Variants in LAMA2 observed in about 807,000 individuals in gnomAD.
LAMA2 encodes the protein laminin subunit alpha 2, also known as laminin subunit alpha-2.
Under a neutral mutation model 364.8 loss-of-function variants are expected in LAMA2, and 269 were observed. The observed-to-expected ratio is 0.74, with a 90% CI of 0.67 to 0.82. LAMA2 has a LOEUF of 0.82. LAMA2 is among the 40% of genes least tolerant of loss of function. The probability of loss-of-function intolerance (pLI) is 0.00; values close to 1 mark genes in which losing one functional copy is unlikely to be tolerated. For synonymous variants in LAMA2, 1,379 were observed against 1,370.6 expected (o/e 1.01, Z -0.14); for missense variants, 3,807 against 3,873.2 (o/e 0.98, Z 0.45).
At position 128,991,755 on chromosome 6, in the gene LAMA2, C is replaced by T. The variant is rs1045788884; in HGVS notation, c.113-58163C>T. On this transcript the variant is annotated intron_variant, in intron 1 of 64. Coordinates refer to ENST00000421865, the MANE Select transcript of LAMA2 (RefSeq NM_000426.4). ...TAATTAAATGATATATCTAGGCAAA[C>T]TAACCATTCAAGTTTTAATTTTTAT... Among the ~76,000 whole-genome samples, 6 of 152,138 alleles carry T rather than the reference C, an allele frequency of 3.9e-5. No homozygotes were observed. The South Asian group carries it at 1.0e-3, about 26-fold the overall frequency.
intron 1 of LAMA2, among the ~76,000 whole-genome samples, chr6:128,889,046 C>G (rs1776301595): frequency 6.6e-6 from 1 of 152,204 alleles, no homozygotes; most frequent in Admixed American, 6.5e-5. Context: ...CCTTTGGCAA[C>G]TCAGTGCTAT....
At chr6:129,209,799 C>G (rs1373530412) in intron 12 of LAMA2, among the ~76,000 whole-genome samples, 1 of 151,750 alleles carries the variant, frequency 6.6e-6, no homozygotes, top group East Asian at 1.9e-4. Flanking sequence ...GTCAGGAGAT[C>G]GAGACCATCC....
Position 129,453,079 on chromosome 6 carries a change from T to G in LAMA2, c.6521T>G (p.Val2174Gly), listed in dbSNP as rs1782768188. The G allele has an allele frequency of 1.2e-6, 2 of 1,613,036 alleles. No homozygotes were observed. The highest frequency in any genetic ancestry group is 1.3e-5 in the African/African-American group (1 of 74,898). The change falls in exon 46 of 65, where the codon GTA becomes GGA. Residue 2174 changes from valine (V) to glycine (G), a missense_variant. Val to Gly is a moderately radical substitution (Grantham distance 109). Transcript: ENST00000421865. Reference sequence around the variant, plus strand: ...AGTTACAATAATATTGTTGTCAACGTAAAGACAGCTGTTGCTGATAACCTC... The same window carrying G: ...AGTTACAATAATATTGTTGTCAACGGAAAGACAGCTGTTGCTGATAACCTC... The part of the protein sequence containing the change: ...KGSYNNIVVN[V>G]KTAVADNLLF...
chr6:129,421,289 C>T (rs1225529211), intron 40 of LAMA2, among the ~76,000 whole-genome samples: 1 of 151,442 alleles, frequency 6.6e-6, no homozygotes, highest in Non-Finnish European at 1.5e-5. Flanking sequence ...CTCTGTTTTG[C>T]ATGATATAGT....
At chr6:129,473,136 G>T in intron 51 of LAMA2, 78 bp from the exon 52 acceptor site, 1 of 1,143,500 alleles carries the variant, frequency 8.7e-7, no homozygotes, top group Non-Finnish European at 1.3e-6. Context: ...AACCAAATTT[G>T]TCTTGAAGTA....
intron 8 of LAMA2, among the ~76,000 whole-genome samples, chr6:129,165,318 T>C (rs1045502795): frequency 3.3e-5 from 5 of 151,920 alleles, no homozygotes; most frequent in Non-Finnish European, 5.9e-5. Flanking sequence ...GAATAAAACA[T>C]GAAAATATCA....
At chr6:129,194,797 A>G (rs1352029753) in intron 12 of LAMA2, among the ~76,000 whole-genome samples, 2 of 152,232 alleles carry the variant, frequency 1.3e-5, no homozygotes, top group African/African-American at 4.8e-5. Context: ...AAATTACCAC[A>G]GTACATCTTA....
At chr6:129,203,447 C>A (rs1782427389) in intron 12 of LAMA2, among the ~76,000 whole-genome samples, 1 of 152,156 alleles carries the variant, frequency 6.6e-6, no homozygotes, top group African/African-American at 2.4e-5. Context: ...CAATTCTAAA[C>A]CTGGCATTTT....
intron 35 of LAMA2, among the ~76,000 whole-genome samples, chr6:129,384,736 T>C (rs1242800006): frequency 6.6e-6 from 1 of 152,060 alleles, no homozygotes. Context: ...CCCACGTCTA[T>C]ACACCAGAGA....
At chr6:129,357,904 C>A (rs1297817814) in intron 32 of LAMA2, among the ~76,000 whole-genome samples, 1 of 151,974 alleles carries the variant, frequency 6.6e-6, no homozygotes, top group Non-Finnish European at 1.5e-5. Context: ...ACAGGACTTA[C>A]TATTCTGAAA....
intron 1 of LAMA2, among the ~76,000 whole-genome samples, chr6:129,043,537 T>C (rs1304846756): frequency 6.6e-6 from 1 of 152,204 alleles, no homozygotes; most frequent in Admixed American, 6.5e-5. Context: ...TTTTCGTATG[T>C]GTGTATGTCC....
Position 129,211,355 on chromosome 6 carries a change from T to C in LAMA2, c.1782+18502T>C, listed in dbSNP as rs569523068. 2.7e-5 allele frequency among the ~76,000 whole-genome samples: 4 copies of C among 150,696 alleles called. No homozygotes were observed. In the East Asian group the frequency reaches 7.7e-4, roughly 29 times the overall value. On this transcript the variant is annotated intron_variant, in intron 12 of 64. Transcript: ENST00000421865. ...TTCAAGCTACGTAATTTCTTACCTA[T>C]ATTACAGGAAAAAACCATCTAACTC...
intron 34 of LAMA2, among the ~76,000 whole-genome samples, chr6:129,381,564 C>T (rs1432394665): frequency 2.0e-5 from 3 of 151,930 alleles, no homozygotes; most frequent in Non-Finnish European, 4.4e-5. Context: ...AGTGCAAACA[C>T]GTGCAGGAAG....
Position 129,297,794 on chromosome 6 carries a change from C to T in LAMA2, c.2966C>T (p.Pro989Leu). ...CEESGQCWCQ[P>L]GVTGKKCDRC... ...GAGAGTGGACAATGTTGGTGCCAAC[C>T]TGGAGTCACAGGGAAGAAATGTGAC... Residue 989 changes from proline to leucine, a missense_variant, in exon 21 of 65, where the codon CCT becomes CTT. By Grantham distance (98) the Pro-to-Leu change is moderately conservative. Transcript: ENST00000421865. 6.2e-7 allele frequency: 1 copy of T among 1,614,032 alleles called. No homozygotes were observed. The highest frequency in any genetic ancestry group is 2.2e-5 in the East Asian group (1 of 44,884).
At chr6:129,190,859 T>G (rs1781480861) in intron 11 of LAMA2, among the ~76,000 whole-genome samples, 1 of 152,224 alleles carries the variant, frequency 6.6e-6, no homozygotes, top group Non-Finnish European at 1.5e-5. Context: ...TGAAAAATTA[T>G]TACTTAAACT....
intron 4 of LAMA2, among the ~76,000 whole-genome samples, chr6:129,111,457 T>G (rs192030669): frequency 1.9e-4 from 29 of 152,078 alleles, no homozygotes; most frequent in Non-Finnish European, 3.1e-4. Flanking sequence ...GTAATCAGAA[T>G]TATTTATTTC....
chr6:129,431,611 C>T (rs1698956178), intron 41 of LAMA2, among the ~76,000 whole-genome samples: 4 of 152,208 alleles, frequency 2.6e-5, no homozygotes, highest in African/African-American at 9.6e-5. Context: ...CCATGTATAA[C>T]ATTAGACTCT....
chr6:128,998,295 G>A (rs1763954059), intron 1 of LAMA2, among the ~76,000 whole-genome samples: 1 of 152,234 alleles, frequency 6.6e-6, no homozygotes, highest in Non-Finnish European at 1.5e-5. Context: ...TTAAGAAGTA[G>A]CATCAAAGAG....
At chr6:129,296,291 A>G (rs1773174210) in intron 20 of LAMA2, among the ~76,000 whole-genome samples, 1 of 151,972 alleles carries the variant, frequency 6.6e-6, no homozygotes, top group Admixed American at 6.5e-5. Flanking sequence ...CTAAAATTTT[A>G]CATGAATTTC....
Sources: gnomAD v4.1 joint callset for allele counts (sites outside exome capture counted in the v4.1 genomes callset) on GRCh38, gnomAD v4.1.1 for gene constraint, MANE v1.5 for transcripts, NCBI Gene and HGNC (gene_info 2026-07-23, HGNC 2026-07-21) for gene names.